The following DHX37 variants were observed in gnomAD, a reference collection of about 807,000 sequenced individuals.
DHX37 encodes probable ATP-dependent RNA helicase DHX37.
A neutral mutation model predicts 134.3 loss-of-function variants in DHX37; 52 were observed. The observed-to-expected ratio is 0.39, with a 90% confidence interval of 0.31 to 0.49. DHX37 has a LOEUF of 0.49. DHX37 is among the 20% of genes least tolerant of loss of function. The pLI, the probability that DHX37 is intolerant of heterozygous loss-of-function variation, is 0.93. For synonymous variants in DHX37, 634 were observed against 670.7 expected (o/e 0.95, Z 0.85); for missense variants, 1,344 against 1,580.8 (o/e 0.85, Z 2.54).
rs757807927 is a variant in DHX37 at position 124,968,680 on chromosome 12, G to T, written c.1294-32C>A. The T allele has an allele frequency of 1.9e-6, 3 of 1,613,478 alleles. No individual in the cohort carries two copies. The African/African-American group carries it at 4.0e-5, about 22-fold the overall frequency. On this transcript the variant is annotated intron_variant, in intron 9 of 26. Coordinates refer to ENST00000308736, the MANE Select transcript of DHX37 (RefSeq NM_032656.4). ...GACGCCCAGGAAGGCATGGGGAGTG[G>T]GGGGGACACGAGCTTCGGCCCAGGG...
chr12:124,988,648 AAGGG>A (rs1954919841), intron 1 of DHX37, among the ~76,000 whole-genome samples: 1 of 152,152 alleles, frequency 6.6e-6, no homozygotes, highest in East Asian at 1.9e-4. Flanking sequence ...AAGTCATGGG[AAGGG>A]ATGGAACTAC....
At chr12:124,961,323 C>A (rs1954259449) in intron 15 of DHX37, among the ~76,000 whole-genome samples, 1 of 144,048 alleles carries the variant, frequency 6.9e-6, no homozygotes, top group Admixed American at 6.7e-5. Context: ...CACTTACATA[C>A]ACACGTGCAC....
intron 7 of DHX37, among the ~76,000 whole-genome samples, chr12:124,972,242 T>C (rs966867079): frequency 2.0e-5 from 3 of 152,260 alleles, no homozygotes; most frequent in Admixed American, 6.5e-5. Flanking sequence ...GAGCACCTTC[T>C]AGGTACGGGC....
intron 16 of DHX37, among the ~76,000 whole-genome samples, 187 bp downstream of exon 16, chr12:124,960,125 C>A (rs569439388): frequency 6.6e-6 from 1 of 152,198 alleles, no homozygotes; most frequent in Non-Finnish European, 1.5e-5. Flanking sequence ...TGTCCACGGG[C>A]GATGCAGCAC....
intron 8 of DHX37, 152 bp downstream of exon 8, chr12:124,971,150 G>T: frequency 1.6e-6 from 2 of 1,283,692 alleles, no homozygotes; most frequent in Non-Finnish European, 2.1e-6. Context: ...ACTAGGCCTA[G>T]ACCTAGGCCC....
Position 124,988,944 on chromosome 12 carries a change from G to A in DHX37, c.79C>T (p.Pro27Ser), listed in dbSNP as rs756575605. The A allele has an allele frequency of 4.5e-6, 6 of 1,339,634 alleles. No homozygotes were observed. Among genetic ancestry groups the A allele is most frequent in the East Asian group, 2.8e-5 (1 of 35,838 alleles). 83.0% of individuals were successfully genotyped at this position (1,339,634 alleles called of 1,614,324 possible). A position where few individuals can be genotyped will look rare whatever the true frequency, so the allele number is the denominator to read the frequency against. ...GPGPSKGPPEPPPVQLELEDK... is the reference protein window; with the variant it reads ...GPGPSKGPPESPPVQLELEDK... ...TCCAGTTCCAGCTGCACGGGGGGCG[G>A]CTCGGGGGGGCCCTTCGAGGGTCCG... is the stretch of plus-strand genomic sequence containing the variant. The change falls in exon 1 of 27, where the codon CCG (proline) becomes TCG (serine). Residue 27 changes from proline to serine, a missense_variant. Pro to Ser is a moderately conservative substitution (Grantham distance 74, BLOSUM62 -1). This residue lies in a region of DHX37 where 319 missense variants were observed against 296.1 expected (regional missense o/e 1.08). Transcript: ENST00000308736.
rs769190348 is a variant in DHX37 at position 124,954,126 on chromosome 12, C to G, written c.2539G>C (p.Gly847Arg). Residue 847 changes from glycine to arginine, a missense_variant, in exon 19 of 27, where the codon GGG (glycine) becomes CGG (arginine). Gly to Arg is a moderately radical substitution (Grantham distance 125, BLOSUM62 -2). This residue lies in a region of DHX37 where 558 missense variants were observed against 650.0 expected (regional missense o/e 0.86). Transcript: ENST00000308736. Reference sequence around the variant, plus strand: ...AGGTCGCCGAGCTTCAGAGAAGCCCCCTGCCCTGCCCAGGTCCTCTTCATC... The same window carrying G: ...AGGTCGCCGAGCTTCAGAGAAGCCCGCTGCCCTGCCCAGGTCCTCTTCATC... ...AQMKRTWAGQ[G>R]ASLKLGDLMV... 1.2e-6 allele frequency: 2 copies of G among 1,612,394 alleles called. No individual in the cohort carries two copies. Among genetic ancestry groups the G allele is most frequent in the Non-Finnish European group, 1.7e-6 (2 of 1,179,212 alleles).
Position 124,950,263 on chromosome 12 carries a change from G to T in DHX37, c.3122-20C>A. ...CGCGATCTAGAAGGTGGGAGCCAGTGAGACAGGGACCCTCCTGCAGCTGCC... is the reference window on the plus strand; with the variant it reads ...CGCGATCTAGAAGGTGGGAGCCAGTTAGACAGGGACCCTCCTGCAGCTGCC... On this transcript the variant is annotated intron_variant, in intron 23 of 26. Transcript: ENST00000308736. The T allele has an allele frequency of 6.2e-7, 1 of 1,613,128 alleles. No homozygotes were observed. The highest frequency in any genetic ancestry group is 1.1e-5 in the South Asian group (1 of 91,010).
At chr12:124,965,870 G>T (rs73229568) in intron 12 of DHX37, 58 bp from the exon 13 acceptor site, 155,286 of 1,573,676 alleles carry the variant, frequency 0.099, 8,027 homozygotes, top group South Asian at 0.11. Flanking sequence ...TGAGGACGTG[G>T]CACGTGCAGG....
At chr12:124,954,442 G>A (rs1421762634) in intron 18 of DHX37, among the ~76,000 whole-genome samples, 1 of 151,840 alleles carries the variant, frequency 6.6e-6, no homozygotes, top group East Asian at 1.9e-4. Flanking sequence ...GTCGCCCAGT[G>A]CAGTGGTGTG....
In DHX37 at chr12:124,974,694, C is replaced by T. The variant is rs531394476; in HGVS notation, c.980+725G>A. Among the ~76,000 whole-genome samples the T allele has an allele frequency of 6.8e-4, 103 of 152,064 alleles. 2 individuals are homozygous for T. Among genetic ancestry groups the T allele is most frequent in the African/African-American group, 2.3e-3 (97 of 41,428 alleles). ...CAGGCCTCTGCATTATAAACATATG[C>T]TCCCAGCCATTGTAAAGCAAGTGCT... is the stretch of plus-strand genomic sequence containing the variant. On this transcript the variant is annotated intron_variant, in intron 6 of 26. Coordinates refer to ENST00000308736, the MANE Select transcript of DHX37 (RefSeq NM_032656.4).
rs746200469 is a variant in DHX37 at position 124,956,856 on chromosome 12, C to T, written c.2288G>A (p.Arg763Gln). The change falls in exon 18 of 27, where the codon CGG becomes CAG. Residue 763 changes from arginine (R) to glutamine (Q), a missense_variant. Arg to Gln is a conservative substitution (Grantham distance 43). This residue lies in a region of DHX37 where 558 missense variants were observed against 650.0 expected (regional missense o/e 0.86). Transcript: ENST00000308736. ...CAGCGCAGTGATGGGGCAGCTCAGC[C>T]GGTTCTCCTGCAGTTGCTTCACCCT... ...AERVKQLQEN[R>Q]LSCPITALGR... The T allele has an allele frequency of 6.8e-5, 108 of 1,598,564 alleles. No individual in the cohort carries two copies. The Middle Eastern group carries it at 1.0e-3, about 15-fold the overall frequency.
intron 8 of DHX37, 32 bp downstream of exon 8, chr12:124,971,270 C>T (rs746315993): frequency 1.1e-5 from 18 of 1,601,786 alleles, no homozygotes; most frequent in African/African-American, 2.7e-5. Flanking sequence ...GCCTAGGGCT[C>T]GGGGCTCCCC....
chr12:124,980,007 T>C lies in DHX37; in HGVS notation c.738+483A>G, dbSNP rs73229586. On this transcript the variant is annotated intron_variant, in intron 4 of 26. Coordinates refer to ENST00000308736, the MANE Select transcript of DHX37 (RefSeq NM_032656.4). The surrounding 1 kb of genome is among the most constrained non-coding windows in gnomAD (Gnocchi z 5.3). ...TGGGCTTTCCATGCCCCAAATCCTTTCATTGTCATCACAACCCAGTGAGAC... is the reference window on the plus strand; with the variant it reads ...TGGGCTTTCCATGCCCCAAATCCTTCCATTGTCATCACAACCCAGTGAGAC... Among the ~76,000 whole-genome samples, 37 of 152,358 alleles carry C rather than the reference T, an allele frequency of 2.4e-4. No homozygotes were observed. Among genetic ancestry groups the C allele is most frequent in the Non-Finnish European group, 5.0e-4 (34 of 68,038 alleles).
Position 124,949,079 on chromosome 12 carries a change from C to T in DHX37, c.3291-898G>A, listed in dbSNP as rs1430707674. On this transcript the variant is annotated intron_variant, in intron 25 of 26. Coordinates refer to ENST00000308736, the MANE Select transcript of DHX37 (RefSeq NM_032656.4). The surrounding 1 kb of genome is among the most constrained non-coding windows in gnomAD (Gnocchi z 4.0). ...GACCAGCCCAGTCGCACTCCACCCC[C>T]TGCCCACCGAGGCCTCACTCATGTC... 6.6e-6 allele frequency among the ~76,000 whole-genome samples: 1 copy of T among 152,202 alleles called. No individual in the cohort carries two copies. Among genetic ancestry groups the T allele is most frequent in the Non-Finnish European group, 1.5e-5 (1 of 68,022 alleles).
chr12:124,956,855 C>A lies in DHX37; in HGVS notation c.2289G>T (p.Arg763=). The change falls in exon 18 of 27, where the codon CGG becomes CGT. Residue 763 remains arginine (R), a synonymous_variant. Transcript: ENST00000308736. ...AERVKQLQEN[R]LSCPITALGR... The stretch of plus-strand genomic sequence containing the variant: ...CCAGCGCAGTGATGGGGCAGCTCAG[C>A]CGGTTCTCCTGCAGTTGCTTCACCC... 6.3e-7 allele frequency: 1 copy of A among 1,598,760 alleles called. No homozygotes were observed. Among genetic ancestry groups the A allele is most frequent in the Non-Finnish European group, 8.6e-7 (1 of 1,169,110 alleles).
At chr12:124,976,881 T>C (rs951339462) in intron 5 of DHX37, among the ~76,000 whole-genome samples, 3 of 145,612 alleles carry the variant, frequency 2.1e-5, no homozygotes, top group African/African-American at 7.6e-5. Flanking sequence ...ACCCTGTCTC[T>C]ACTAAAAATA....
intron 5 of DHX37, among the ~76,000 whole-genome samples, chr12:124,976,765 G>A (rs1489212278): frequency 2.0e-4 from 29 of 148,506 alleles, no homozygotes; most frequent in African/African-American, 6.8e-4. Flanking sequence ...GGGAGGCGCA[G>A]CTTGCAGTGA....
At chr12:124,961,317 T>C (rs1954259063) in intron 15 of DHX37, among the ~76,000 whole-genome samples, 3 of 135,650 alleles carry the variant, frequency 2.2e-5, no homozygotes, top group African/African-American at 1.0e-4. Flanking sequence ...CACACACACT[T>C]ACATACACAC....
Sources: gnomAD v4.1 joint callset for allele counts (sites outside exome capture counted in the v4.1 genomes callset) on GRCh38, gnomAD v4.1.1 for gene constraint, gnomAD v4.1.1 regional missense constraint, Gnocchi (gnomAD v3.1) non-coding constraint, MANE v1.5 for transcripts, NCBI Gene and HGNC (gene_info 2026-07-23, HGNC 2026-07-21) for gene names.